Variants in FGD4 observed in about 807,000 individuals in gnomAD.
FGD4 encodes FYVE, RhoGEF and PH domain containing 4, also known as FYVE, RhoGEF and PH domain-containing protein 4.
Under a neutral mutation model 102.0 loss-of-function variants are expected in FGD4, and 42 were observed. The observed-to-expected ratio is 0.41, with a 90% CI of 0.32 to 0.53. The LOEUF is 0.53. Among genes scored for constraint, FGD4 ranks in the 20% least tolerant of loss-of-function variants. The probability of loss-of-function intolerance (pLI) is 0.21; values close to 1 mark genes in which losing one functional copy is unlikely to be tolerated. For synonymous variants in FGD4, 380 were observed against 375.7 expected (o/e 1.01, Z -0.13); for missense variants, 902 against 1,078.2 (o/e 0.84, Z 2.29).
chr12:32,558,722 T>C (rs1481822070), intron 1 of FGD4, among the ~76,000 whole-genome samples: 1 of 152,178 alleles, frequency 6.6e-6, no homozygotes, highest in Non-Finnish European at 1.5e-5. Context: ...AAAAGACAGA[T>C]AAAGGAAAGT....
chr12:32,634,891 G>A (rs1210643884), intron 15 of FGD4, among the ~76,000 whole-genome samples: 2 of 152,196 alleles, frequency 1.3e-5, no homozygotes, highest in African/African-American at 4.8e-5. Context: ...GGGAGGCTGA[G>A]GCAGGAGAAT....
intron 1 of FGD4, among the ~76,000 whole-genome samples, chr12:32,446,120 C>T (rs1942607423): frequency 6.6e-6 from 1 of 152,184 alleles, no homozygotes; most frequent in African/African-American, 2.4e-5. Context: ...GGCGACTGCA[C>T]TCCAGCCTGG....
At chr12:32,618,608 T>G (rs2136864391) in intron 10 of FGD4, among the ~76,000 whole-genome samples, 1 of 151,844 alleles carries the variant, frequency 6.6e-6, no homozygotes, top group Non-Finnish European at 1.5e-5. Context: ...GAGGTGAGAG[T>G]ATTATTTGAG....
In FGD4 at chr12:32,551,741, A is replaced by G. The variant is rs562513536; in HGVS notation, c.167-12396A>G. Among the ~76,000 whole-genome samples the G allele has an allele frequency of 2.6e-5, 4 of 152,346 alleles. No homozygotes were observed. The East Asian group carries it at 7.7e-4, about 29-fold the overall frequency. ...TTTGAGTTTTGATACGGATGATCAT[A>G]CCAGAAAAATATACCATCAGTTTTC... On this transcript the variant is annotated intron_variant, in intron 1 of 16. Coordinates refer to ENST00000534526, the MANE Select transcript of FGD4 (RefSeq NM_001370298.3).
chr12:32,536,432 T>G (rs1260246325), intron 1 of FGD4, among the ~76,000 whole-genome samples: 1 of 152,256 alleles, frequency 6.6e-6, no homozygotes, highest in Non-Finnish European at 1.5e-5. Flanking sequence ...CTTAGATGTT[T>G]TGTGGACCAT....
chr12:32,482,500 C>T (rs527432878), intron 1 of FGD4, among the ~76,000 whole-genome samples: 47 of 152,308 alleles, frequency 3.1e-4, no homozygotes, highest in South Asian at 8.3e-4. Flanking sequence ...CTCATTTGTA[C>T]AGCGAATAAG....
At chr12:32,491,779 A>C (rs899476503) in intron 1 of FGD4, among the ~76,000 whole-genome samples, 2 of 152,206 alleles carry the variant, frequency 1.3e-5, no homozygotes, top group Non-Finnish European at 2.9e-5. Flanking sequence ...AGTTAAACCA[A>C]AAATAACACT....
intron 10 of FGD4, among the ~76,000 whole-genome samples, chr12:32,619,088 C>T (rs2136869467): frequency 6.6e-6 from 1 of 152,188 alleles, no homozygotes; most frequent in African/African-American, 2.4e-5. Flanking sequence ...ATCAAAGGTC[C>T]TTAGTAATTT....
chr12:32,638,589 C>T (rs1950981703), intron 15 of FGD4, 66 bp from the exon 16 acceptor site: 5 of 1,590,532 alleles, frequency 3.1e-6, no homozygotes, highest in Non-Finnish European at 3.4e-6. Context: ...ACACATTGTA[C>T]TTTGTGAATA....
intron 1 of FGD4, among the ~76,000 whole-genome samples, chr12:32,407,251 G>C (rs11051988): frequency 0.18 from 27,169 of 149,212 alleles, 3,020 homozygotes; most frequent in East Asian, 0.29. Flanking sequence ...TCAGCCTTCC[G>C]AGTAGCTGGG....
rs1555198611 is a variant in FGD4 at position 32,539,570 on chromosome 12, A to AT, written c.167-24567_167-24566insT. ...GGCAACAAGAGCGAAACTCTGTCTC[A>AT]GGGGGGAAAAAAAAAAAAGCCAGTA... On this transcript the variant is annotated intron_variant, in intron 1 of 16. Coordinates refer to ENST00000534526, the MANE Select transcript of FGD4 (RefSeq NM_001370298.3). 2.3e-3 allele frequency among the ~76,000 whole-genome samples: 311 copies of AT among 132,660 alleles called. 3 individuals carry two copies. The highest frequency in any genetic ancestry group is 7.9e-3 in the African/African-American group (296 of 37,458). The allele number at this position is 132,660 out of a possible 152,430, so 87.0% of individuals were successfully genotyped here. A position where few individuals can be genotyped will look rare whatever the true frequency, so the allele number is the denominator to read the frequency against.
intron 1 of FGD4, among the ~76,000 whole-genome samples, chr12:32,430,574 C>T (rs1942012498): frequency 6.6e-6 from 1 of 151,966 alleles, no homozygotes; most frequent in African/African-American, 2.4e-5. Flanking sequence ...AAACTTCATT[C>T]CTCTTTTACT....
chr12:32,488,412 C>T (rs909319117), intron 1 of FGD4, among the ~76,000 whole-genome samples: 3 of 151,344 alleles, frequency 2.0e-5, no homozygotes, highest in South Asian at 2.1e-4. Flanking sequence ...TATGATTATA[C>T]GGTCAGAATT....
At chr12:32,431,772 TA>T (rs1158028860) in intron 1 of FGD4, among the ~76,000 whole-genome samples, 290 of 142,330 alleles carry the variant, frequency 2.0e-3, no homozygotes, top group Admixed American at 1.9e-3. Context: ...GATTCTGTCT[TA>T]AAAAAAAAAA....
chr12:32,406,993 A>C (rs1431334739), intron 1 of FGD4, among the ~76,000 whole-genome samples: 1 of 151,268 alleles, frequency 6.6e-6, no homozygotes. Context: ...TTGTATTTTT[A>C]GTAGAGATGG....
intron 1 of FGD4, among the ~76,000 whole-genome samples, chr12:32,519,119 GA>G (rs751377618): frequency 0.058 from 4,248 of 73,416 alleles, 177 homozygotes; most frequent in African/African-American, 0.16. Flanking sequence ...TCCGTCTCAG[GA>G]AAAAAAAAAA....
intron 4 of FGD4, among the ~76,000 whole-genome samples, chr12:32,587,824 T>C (rs1291452286): frequency 6.6e-6 from 1 of 152,192 alleles, no homozygotes; most frequent in Non-Finnish European, 1.5e-5. Context: ...TGTACTCTTA[T>C]ACTAAGTTTA....
At chr12:32,409,933 C>T (rs2136392908) in intron 1 of FGD4, among the ~76,000 whole-genome samples, 1 of 148,838 alleles carries the variant, frequency 6.7e-6, no homozygotes, top group Middle Eastern at 3.4e-3. Context: ...TGGGTGGCCA[C>T]ATTGGGAGGA....
At chr12:32,625,848 G>C in intron 14 of FGD4, 69 bp downstream of exon 14, 2 of 1,596,832 alleles carry the variant, frequency 1.3e-6, no homozygotes, top group Non-Finnish European at 1.7e-6. Context: ...ATCAACTAGG[G>C]ACACACAAAA....
Sources: gnomAD v4.1 joint callset for allele counts (sites outside exome capture counted in the v4.1 genomes callset) on GRCh38, gnomAD v4.1.1 for gene constraint, MANE v1.5 for transcripts, NCBI Gene and HGNC (gene_info 2026-07-23, HGNC 2026-07-21) for gene names.